RDH13: variants seen among roughly 807,000 people sequenced by gnomAD.
RDH13 encodes retinol dehydrogenase 13.
Under a neutral mutation model 28.3 loss-of-function variants are expected in RDH13, and 35 were observed. The observed-to-expected ratio is 1.24, with a 90% CI of 0.95 to 1.64. The LOEUF is 1.64. RDH13 is among the 40% of genes most tolerant of loss of function. RDH13 has a pLI of 0.00. For synonymous variants in RDH13, 229 were observed against 198.5 expected (o/e 1.15, Z -1.29); for missense variants, 514 against 446.3 (o/e 1.15, Z -1.37).
downstream of RDH13, among the ~76,000 whole-genome samples, chr19:55,043,602 A>G (rs2075101708): frequency 6.6e-6 from 1 of 151,638 alleles, no homozygotes; most frequent in African/African-American, 2.4e-5. Flanking sequence ...TGGGAGACAC[A>G]GGTTGCAGTG....
Position 55,058,335 on chromosome 19 carries a change from C to T in RDH13, c.184+822G>A, listed in dbSNP as rs544148580. On this transcript the variant is annotated intron_variant, in intron 2 of 6. Coordinates refer to ENST00000415061, the MANE Select transcript of RDH13 (RefSeq NM_001145971.2). ...CCCGGGAGGCGAAGGTTGCAGTGAGCCAAGATCATGCCACTGCACTCCAGC... is the reference window on the plus strand; with the variant it reads ...CCCGGGAGGCGAAGGTTGCAGTGAGTCAAGATCATGCCACTGCACTCCAGC... Among the ~76,000 whole-genome samples, 3 of 151,732 alleles carry T rather than the reference C, an allele frequency of 2.0e-5. No individual in the cohort carries two copies. In the East Asian group the frequency reaches 5.9e-4, roughly 30 times the overall value.
chr19:55,048,338 G>A lies in RDH13; in HGVS notation c.649C>T (p.Arg217Trp), dbSNP rs370269755. 7.0e-5 allele frequency: 113 copies of A among 1,614,092 alleles called. 1 individual carries two copies. Among genetic ancestry groups the A allele is most frequent in the African/African-American group, 2.8e-4 (21 of 75,062 alleles). Residue 217 changes from arginine (R) to tryptophan (W), a missense_variant, in exon 5 of 7, where the codon CGG (arginine) becomes TGG (tryptophan). Coordinates refer to ENST00000415061, the MANE Select transcript of RDH13 (RefSeq NM_001145971.2). ...CCTAGCGCCCCCGTACCTTGCAGCC[G>A]CCGGCTCAGCTCCTTGGTGAAGAGG... Reference protein sequence around the residue: ...IVLFTKELSRRLQGSGVTVNA... With the variant: ...IVLFTKELSRWLQGSGVTVNA...
chr19:55,049,964 CT>C lies in RDH13; in HGVS notation c.341-1202del, dbSNP rs142472234. Among the ~76,000 whole-genome samples, 206 of 141,888 alleles carry C rather than the reference CT, an allele frequency of 1.5e-3. 1 individual carries two copies. The highest frequency in any genetic ancestry group is 4.0e-3 in the African/African-American group (155 of 38,824). The allele number at this position is 141,888 out of a possible 152,430, so 93.1% of individuals were successfully genotyped here. A position where few individuals can be genotyped will look rare whatever the true frequency, so the allele number is the denominator to read the frequency against. On this transcript the variant is annotated intron_variant, in intron 3 of 6. Coordinates refer to ENST00000415061, the MANE Select transcript of RDH13 (RefSeq NM_001145971.2). Reference sequence around the variant, plus strand: ...CTTCCTCTTCCCTTTGGAGCTGTCTCTTTTTTTTTTTTCATTTTTCCTTTTT... The same window carrying C: ...CTTCCTCTTCCCTTTGGAGCTGTCTCTTTTTTTTTTTCATTTTTCCTTTTT...
At position 55,044,327 on chromosome 19, in the gene RDH13, C is replaced by T. The variant is rs574180131; in HGVS notation, c.*747G>A. 3 of 149,952 alleles carry T rather than the reference C, an allele frequency of 2.0e-5. No homozygotes were observed. The highest frequency in any genetic ancestry group is 3.9e-4 in the East Asian group (2 of 5,090). The allele number at this position is 149,952 out of a possible 1,614,324, so 9.3% of individuals were successfully genotyped here. On this transcript the variant is annotated 3_prime_UTR_variant, in exon 7 of 7. Coordinates refer to ENST00000415061, the MANE Select transcript of RDH13 (RefSeq NM_001145971.2). ...ATCTACGACTCGGGTACATTTTCTT[C>T]TTTTTTTTTTCTTTTAAATGAGCAA...
At chr19:55,048,275 C>A (rs1315957628) in intron 5 of RDH13, 54 bp downstream of exon 5, 6 of 1,606,944 alleles carry the variant, frequency 3.7e-6, no homozygotes, top group Non-Finnish European at 4.2e-6. Context: ...CATGGAAAGG[C>A]CGCTCTAGGC....
intron 3 of RDH13, among the ~76,000 whole-genome samples, chr19:55,056,431 T>C (rs2147048999): frequency 6.6e-6 from 1 of 152,000 alleles, no homozygotes; most frequent in East Asian, 1.9e-4. Context: ...GCACTCAGCC[T>C]GGCCGACAGA....
At chr19:55,044,195 C>T (rs550047225), downstream of RDH13, 1 of 152,300 alleles carries the variant, frequency 6.6e-6, no homozygotes, top group Non-Finnish European at 1.5e-5. Flanking sequence ...TTTGCATGGC[C>T]TGTTGCCCTG....
chr19:55,066,525 T>A (rs1356804825), upstream of RDH13, among the ~76,000 whole-genome samples: 1 of 129,880 alleles, frequency 7.7e-6, no homozygotes, highest in Non-Finnish European at 1.6e-5. Context: ...CATCTCTCTT[T>A]CCCTTCCTTT....
In RDH13 at chr19:55,057,392, C is replaced by T. The variant is rs577571509; in HGVS notation, c.185-584G>A. 2.1e-4 allele frequency among the ~76,000 whole-genome samples: 31 copies of T among 151,146 alleles called. No homozygotes were observed. In the South Asian group the frequency reaches 6.3e-3, roughly 31 times the overall value. ...GCACGGTGGCTCACACCTGTAATTC[C>T]AGCACTTTGGGAGGCCAAGGCAAGA... On this transcript the variant is annotated intron_variant, in intron 2 of 6. Coordinates refer to ENST00000415061, the MANE Select transcript of RDH13 (RefSeq NM_001145971.2).
chr19:55,042,050 A>AC (rs1047986293), downstream of RDH13: 2 of 144,792 alleles, frequency 1.4e-5, no homozygotes, highest in East Asian at 2.0e-4. Flanking sequence ...ATGGCTGATG[A>AC]CCCCCTCACC....
intron 3 of RDH13, chr19:55,050,709 A>C (rs1324999163): frequency 6.6e-6 from 1 of 152,128 alleles, no homozygotes; most frequent in Non-Finnish European, 1.5e-5. Context: ...CCTCTAAATG[A>C]AGTCACATGC....
At chr19:55,068,182 T>C (rs200563277) in intron 1 of RDH13, among the ~76,000 whole-genome samples, 2 of 149,556 alleles carry the variant, frequency 1.3e-5, no homozygotes, top group East Asian at 3.9e-4. Flanking sequence ...TCTCTCTCTC[T>C]CCCCCCAACT....
chr19:55,054,735 A>ATTT (rs61279685), intron 3 of RDH13, among the ~76,000 whole-genome samples: 10,984 of 147,612 alleles, frequency 0.074, 524 homozygotes, highest in East Asian at 0.19. Flanking sequence ...TGCCCGGCTA[A>ATTT]TTTTTTTTTT....
chr19:55,050,112 ATT>A (rs754926169), intron 3 of RDH13, among the ~76,000 whole-genome samples: 7,898 of 106,758 alleles, frequency 0.074, 670 homozygotes, highest in African/African-American at 0.22. Flanking sequence ...CCCCCAGCCT[ATT>A]TTTTTTTTTT....
chr19:55,050,395 G>A (rs147123772), intron 3 of RDH13, among the ~76,000 whole-genome samples: 59 of 152,188 alleles, frequency 3.9e-4, no homozygotes, highest in Middle Eastern at 3.4e-3. Context: ...GACTGCAGGC[G>A]TGAGCCACCA....
intron 1 of RDH13, among the ~76,000 whole-genome samples, chr19:55,059,839 T>C (rs28569326): frequency 0.083 from 12,646 of 152,196 alleles, 611 homozygotes; most frequent in East Asian, 0.17. Flanking sequence ...TTTGACCCAA[T>C]CTGGAGCTCA....
At chr19:55,064,647 T>C (rs552140599), upstream of RDH13, among the ~76,000 whole-genome samples, 3 of 151,302 alleles carry the variant, frequency 2.0e-5, no homozygotes, top group Non-Finnish European at 4.4e-5. Context: ...ACAGTCTCAC[T>C]GTGTCACCCA....
At chr19:55,047,710 A>G (rs117257957) in intron 5 of RDH13, among the ~76,000 whole-genome samples, 3,435 of 152,162 alleles carry the variant, frequency 0.023, 54 homozygotes, top group Non-Finnish European at 0.032. Flanking sequence ...GGCTTCATAA[A>G]CCCAGAACGC....
chr19:55,040,724 A>C (rs1050256570), downstream of RDH13: 4 of 152,262 alleles, frequency 2.6e-5, no homozygotes, highest in Admixed American at 2.6e-4. Context: ...TGGTAAAATA[A>C]GATTAGAAAT....
Sources: allele counts gnomAD v4.1 joint callset (sites outside exome capture counted in the v4.1 genomes callset), GRCh38; gene constraint gnomAD v4.1.1; transcripts MANE v1.5; gene names NCBI Gene and HGNC (gene_info 2026-07-23, HGNC 2026-07-21).